Variants in NKTR observed in about 807,000 individuals in gnomAD.
The protein encoded by NKTR is NK-tumor recognition protein.
NKTR carries 67 observed loss-of-function variants against 156.3 expected under a neutral mutation model. That is an observed-to-expected ratio of 0.43 (90% CI 0.35 to 0.53). The LOEUF is 0.53. Among genes scored for constraint, NKTR ranks in the 20% least tolerant of loss-of-function variants. The pLI is 0.01. For missense variants in NKTR, 1,604 were observed against 1,730.9 expected (o/e 0.93, Z 1.30); for synonymous variants, 640 against 596.6 (o/e 1.07, Z -1.06).
At chr3:42,626,400 G>A (rs1424236582) in intron 6 of NKTR, among the ~76,000 whole-genome samples, 6 of 151,954 alleles carry the variant, frequency 3.9e-5, no homozygotes, top group African/African-American at 2.4e-5. Context: ...ATTGGTCAGT[G>A]TGTGTTCTCC....
chr3:42,631,113 A>C, intron 7 of NKTR, 58 bp from the exon 8 acceptor site: 1 of 1,593,882 alleles, frequency 6.3e-7, no homozygotes, highest in South Asian at 1.1e-5. Flanking sequence ...AATTGTCTTG[A>C]TTACTGTTTA....
chr3:42,611,539 C>G (rs1706810806), intron 2 of NKTR, among the ~76,000 whole-genome samples: 1 of 152,010 alleles, frequency 6.6e-6, no homozygotes, highest in Admixed American at 6.5e-5. Flanking sequence ...CAAGACAAGC[C>G]TGGCCAACAT....
chr3:42,618,915 C>G (rs1707655459), intron 3 of NKTR, 105 bp from the exon 4 acceptor site: 1 of 934,748 alleles, frequency 1.1e-6, no homozygotes. Context: ...CTTCCAGTGC[C>G]TAGCACACAG....
chr3:42,629,324 A>G (rs1331512059), intron 6 of NKTR: 7 of 957,782 alleles, frequency 7.3e-6, no homozygotes, highest in Admixed American at 6.2e-5. Flanking sequence ...TTAAAACTTA[A>G]TATTTCCTTT....
chr3:42,642,780 C>T (rs1710005987), intron 14 of NKTR, among the ~76,000 whole-genome samples, 184 bp downstream of exon 14: 1 of 152,208 alleles, frequency 6.6e-6, no homozygotes. Flanking sequence ...CTGTTGGGAT[C>T]TTATCAGAGT....
chr3:42,622,658 T>G (rs1180232893), intron 6 of NKTR, among the ~76,000 whole-genome samples: 4 of 152,080 alleles, frequency 2.6e-5, no homozygotes, highest in Non-Finnish European at 5.9e-5. Context: ...CAACAGTTGT[T>G]CTCTTGTTTT....
At chr3:42,621,317 T>C in intron 5 of NKTR, 112 bp from the exon 6 acceptor site, 5 of 1,422,088 alleles carry the variant, frequency 3.5e-6, no homozygotes, top group East Asian at 2.7e-5. Context: ...AGTCAAGTTA[T>C]CTGTACTGAC....
rs140537571 is a variant in NKTR at position 42,639,438 on chromosome 3, C to G, written c.3734C>G (p.Ala1245Gly). The stretch of plus-strand genomic sequence containing the variant: ...GCACCTAATGCTGCCACATCCAGTG[C>G]TGTGGAAGTTAAGGTGTTGACCACT... ...LAAPNAATSSAVEVKVLTTVP... is the reference protein window; with the variant it reads ...LAAPNAATSSGVEVKVLTTVP... Residue 1245 changes from alanine to glycine, a missense_variant, in exon 13 of 17, where the codon GCT becomes GGT. Transcript: ENST00000232978. The G allele has an allele frequency of 3.0e-5, 49 of 1,613,910 alleles. No homozygotes were observed. Among genetic ancestry groups the G allele is most frequent in the Non-Finnish European group, 3.6e-5 (43 of 1,179,870 alleles).
chr3:42,607,097 T>TA (rs1706312894), intron 2 of NKTR, among the ~76,000 whole-genome samples: 1 of 152,174 alleles, frequency 6.6e-6, no homozygotes, highest in Admixed American at 6.5e-5. Context: ...AAAGGTTAAA[T>TA]AACAGTACTT....
At chr3:42,620,134 G>A (rs1707773079) in intron 5 of NKTR, 1 of 1,454,258 alleles carries the variant, frequency 6.9e-7, no homozygotes, top group African/African-American at 1.4e-5. Flanking sequence ...TCAGGTTGTG[G>A]CTGGATTTCT....
chr3:42,640,316 TTTGTTA>T (rs1374223177), intron 13 of NKTR, among the ~76,000 whole-genome samples: 4 of 152,240 alleles, frequency 2.6e-5, no homozygotes, highest in African/African-American at 7.2e-5. Context: ...GAAAAGGTTT[TTTGTTA>T]TTGTTATAAA....
chr3:42,630,804 CT>C, intron 7 of NKTR: 1 of 1,348,720 alleles, frequency 7.4e-7, no homozygotes. Context: ...CAATATAATT[CT>C]TTTTATTTTT....
chr3:42,632,386 G>A (rs1461600096), intron 8 of NKTR, among the ~76,000 whole-genome samples: 1 of 151,676 alleles, frequency 6.6e-6, no homozygotes, highest in Non-Finnish European at 1.5e-5. Flanking sequence ...CTTGTTACTT[G>A]ACCCAACAAG....
chr3:42,638,417 C>G lies in NKTR; in HGVS notation c.2713C>G (p.Pro905Ala), dbSNP rs534951411. The change falls in exon 13 of 17, where the codon CCA becomes GCA. Residue 905 changes from proline (P) to alanine (A), a missense_variant. By Grantham distance (27) the Pro-to-Ala change is conservative. Coordinates refer to ENST00000232978, the MANE Select transcript of NKTR (RefSeq NM_005385.4). ...TAAAAACAGTAAAAATGACTCCCAT[C>G]CATCCTCTGACAAGGAAGAAGGTGA... ...VTKNSKNDSH[P>A]SSDKEEGEAT... 627 of 1,613,684 alleles carry G rather than the reference C, an allele frequency of 3.9e-4. 5 individuals are homozygous for G. The South Asian group carries it at 6.7e-3, about 17-fold the overall frequency.
intron 2 of NKTR, 38 bp downstream of exon 2, chr3:42,601,102 C>G: frequency 1.3e-6 from 2 of 1,514,036 alleles, no homozygotes; most frequent in Non-Finnish European, 1.8e-6. Context: ...GGGGCCGAGG[C>G]CTGCCTTGGC....
In NKTR at chr3:42,639,203, G is replaced by A. The variant is rs1483217962; in HGVS notation, c.3499G>A (p.Ala1167Thr). The A allele has an allele frequency of 6.2e-7, 1 of 1,614,146 alleles. No homozygotes were observed. Among genetic ancestry groups the A allele is most frequent in the Non-Finnish European group, 8.5e-7 (1 of 1,180,022 alleles). ...AAACATTGTTTTGAAGCAGGATATG[G>A]CAACGGAACATCCTCAAGCAGAGGT... is the stretch of plus-strand genomic sequence containing the variant. ...DINIVLKQDM[A>T]TEHPQAEVVK... Residue 1167 changes from alanine to threonine, a missense_variant, in exon 13 of 17, where the codon GCA becomes ACA. This residue lies in a region of NKTR where 1,255 missense variants were observed against 1,243.7 expected (regional missense o/e 1.01). Transcript: ENST00000232978.
In NKTR at chr3:42,631,210, A is replaced by C. The variant is rs761097980; in HGVS notation, c.444A>C (p.Glu148Asp). 1.9e-6 allele frequency: 3 copies of C among 1,614,090 alleles called. No individual in the cohort carries two copies. In the South Asian group the frequency reaches 3.3e-5, roughly 18 times the overall value. ...VVFGLVISGF[E>D]VIEQIENLKT... ...TTGGACTGGTTATTTCTGGTTTTGA[A>C]GTAATCGAACAAATTGAAAATCTGA... Residue 148 changes from glutamate to aspartate, a missense_variant, in exon 8 of 17, where the codon GAA becomes GAC. Around this residue, in one of 6 missense-constraint regions of NKTR, gnomAD observed 61 missense variants for 113.3 expected, o/e 0.54. Transcript: ENST00000232978.
At chr3:42,630,608 T>C (rs763667897) in intron 7 of NKTR, 33 bp downstream of exon 7, 2 of 1,612,848 alleles carry the variant, frequency 1.2e-6, no homozygotes, top group Non-Finnish European at 1.7e-6. Context: ...ATTGGGGAAG[T>C]GTTTGGGTGG....
rs35896209 is a variant in NKTR, at chr3:42,603,025, C to CAA, written c.58+1975_58+1976dup. ...TGGGTGACGGAGTGAGACCCTGTCTCAAAAAAAAAAAAAAAGAAAAGAAAA... is the reference window on the plus strand; with the variant it reads ...TGGGTGACGGAGTGAGACCCTGTCTCAAAAAAAAAAAAAAAAAGAAAAGAAAA... On this transcript the variant is annotated intron_variant, in intron 2 of 16. Transcript: ENST00000232978. 993 of 102,698 alleles carry CAA rather than the reference C, an allele frequency of 9.7e-3. 4 individuals are homozygous for CAA. The highest frequency in any genetic ancestry group is 0.018 in the Admixed American group (167 of 9,228). The allele number at this position is 102,698 out of a possible 1,614,324, so 6.4% of individuals were successfully genotyped here.
Sources: gnomAD v4.1 joint callset for allele counts (sites outside exome capture counted in the v4.1 genomes callset) on GRCh38, gnomAD v4.1.1 for gene constraint, gnomAD v4.1.1 regional missense constraint, MANE v1.5 for transcripts, NCBI Gene and HGNC (gene_info 2026-07-23, HGNC 2026-07-21) for gene names.